Variants in TACR1 observed in about 807,000 individuals in gnomAD.
TACR1 encodes substance-P receptor.
Under a neutral mutation model 35.8 loss-of-function variants are expected in TACR1, and 25 were observed. That is an observed-to-expected ratio of 0.70 (90% CI 0.51 to 0.98). The LOEUF (loss-of-function observed/expected upper bound fraction) is 0.98, where lower values mean the gene tolerates loss of function less well. Ranked by LOEUF, TACR1 falls within the 50% of genes least tolerant of loss-of-function variation. The probability of loss-of-function intolerance (pLI) is 0.00; values close to 1 mark genes in which losing one functional copy is unlikely to be tolerated. For synonymous variants in TACR1, 195 were observed against 206.7 expected (o/e 0.94, Z 0.48); for missense variants, 478 against 522.9 (o/e 0.91, Z 0.84).
At chr2:75,195,108 T>G (rs1675935355) in intron 1 of TACR1, among the ~76,000 whole-genome samples, 3 of 152,166 alleles carry the variant, frequency 2.0e-5, no homozygotes. Context: ...TCATGAAACA[T>G]CATACATACC....
chr2:75,158,212 C>T (rs114306162), intron 1 of TACR1, among the ~76,000 whole-genome samples: 2,476 of 152,204 alleles, frequency 0.016, 66 homozygotes, highest in African/African-American at 0.057. Context: ...TTCCTATGGA[C>T]GAAGATCGAG....
intron 2 of TACR1, among the ~76,000 whole-genome samples, chr2:75,115,073 T>G (rs925298390): frequency 7.6e-6 from 1 of 131,504 alleles, no homozygotes; most frequent in Admixed American, 7.9e-5. Flanking sequence ...AGGAGGGGAT[T>G]TGTTAACATA....
At chr2:75,113,318 G>T (rs1335443331) in intron 2 of TACR1, among the ~76,000 whole-genome samples, 1 of 152,048 alleles carries the variant, frequency 6.6e-6, no homozygotes, top group African/African-American at 2.4e-5. Flanking sequence ...TCCTAAATTG[G>T]GTGGACCCAT....
intron 1 of TACR1, among the ~76,000 whole-genome samples, chr2:75,145,867 T>C (rs550691381): frequency 6.6e-6 from 1 of 152,294 alleles, no homozygotes; most frequent in African/African-American, 2.4e-5. Flanking sequence ...AGATGGGATA[T>C]ATATTTTGAA....
chr2:75,147,766 CAG>C (rs1674545583), intron 1 of TACR1, among the ~76,000 whole-genome samples: 1 of 142,198 alleles, frequency 7.0e-6, no homozygotes, highest in African/African-American at 2.6e-5. Context: ...TTTTCTGATA[CAG>C]AGTCTCCCTC....
At chr2:75,069,614 G>A (rs1319759268) in intron 2 of TACR1, among the ~76,000 whole-genome samples, 1 of 152,128 alleles carries the variant, frequency 6.6e-6, no homozygotes, top group African/African-American at 2.4e-5. Context: ...AAGTTTACTT[G>A]CCATGTCTCC....
chr2:75,169,183 A>C (rs1389192309), intron 1 of TACR1, among the ~76,000 whole-genome samples: 1 of 152,108 alleles, frequency 6.6e-6, no homozygotes, highest in Non-Finnish European at 1.5e-5. Flanking sequence ...TTTTGGTTTC[A>C]ATTTAATTAC....
intron 1 of TACR1, among the ~76,000 whole-genome samples, chr2:75,158,574 T>C (rs889163122): frequency 1.3e-5 from 2 of 152,244 alleles, no homozygotes; most frequent in African/African-American, 4.8e-5. Flanking sequence ...AAGTTGTTTT[T>C]ATCAGCTCTG....
chr2:75,049,143 C>A lies in TACR1; in HGVS notation c.*289G>T. On this transcript the variant is annotated 3_prime_UTR_variant, in exon 5 of 5. Coordinates refer to ENST00000305249, the MANE Select transcript of TACR1 (RefSeq NM_001058.4). Reference sequence around the variant, plus strand: ...ACTCGCATGCAGCCAAAGTCACTTCCAGAATGGAATGAATGGGCTTTTGGG... The same window carrying A: ...ACTCGCATGCAGCCAAAGTCACTTCAAGAATGGAATGAATGGGCTTTTGGG... 1 of 392,690 alleles carries A rather than the reference C, an allele frequency of 2.5e-6. No individual in the cohort carries two copies. The highest frequency in any genetic ancestry group is 4.6e-6 in the Non-Finnish European group (1 of 217,974). 24.3% of individuals were successfully genotyped at this position (392,690 alleles called of 1,614,324 possible).
At chr2:75,100,342 T>C (rs1263264793) in intron 2 of TACR1, among the ~76,000 whole-genome samples, 1 of 152,240 alleles carries the variant, frequency 6.6e-6, no homozygotes, top group Non-Finnish European at 1.5e-5. Flanking sequence ...TAGCAATTAT[T>C]ATTTTTAAAT....
chr2:75,148,392 A>AT (rs902207864), intron 1 of TACR1, among the ~76,000 whole-genome samples: 1 of 152,070 alleles, frequency 6.6e-6, no homozygotes, highest in African/African-American at 2.4e-5. Flanking sequence ...TTGTTTCTTG[A>AT]TTTTTTAATA....
At chr2:75,051,554 G>C in intron 3 of TACR1, 107 bp from the exon 4 acceptor site, 1 of 1,527,606 alleles carries the variant, frequency 6.5e-7, no homozygotes. Flanking sequence ...GATGAAGCGA[G>C]AAGTATTTAA....
At chr2:75,140,800 A>G (rs2103947379) in intron 1 of TACR1, among the ~76,000 whole-genome samples, 1 of 152,322 alleles carries the variant, frequency 6.6e-6, no homozygotes, top group South Asian at 2.1e-4. Context: ...TATCAAGTTC[A>G]GAAGACTCAG....
At position 75,198,529 on chromosome 2, in the gene TACR1, A is replaced by G; in HGVS notation, c.389+17T>C. 6.2e-7 allele frequency: 1 copy of G among 1,606,056 alleles called. No homozygotes were observed. The highest frequency in any genetic ancestry group is 8.5e-7 in the Non-Finnish European group (1 of 1,173,288). On this transcript the variant is annotated intron_variant, in intron 1 of 4. Transcript: ENST00000305249. ...TCTATGAGCACTTTCTCGCCTTTTC[A>G]CAAAGGCTAATCTCACCTATCAAAG...
rs973224274 is a variant in TACR1 at position 75,148,793 on chromosome 2, G to T, written c.390-28025C>A. Among the ~76,000 whole-genome samples the T allele has an allele frequency of 5.9e-5, 9 of 152,188 alleles. 1 individual carries two copies. Among genetic ancestry groups the T allele is most frequent in the Middle Eastern group, 3.4e-3 (1 of 294 alleles). On this transcript the variant is annotated intron_variant, in intron 1 of 4. Transcript: ENST00000305249. The stretch of plus-strand genomic sequence containing the variant: ...TTGGTGTTTTCATCATGAAATCTTT[G>T]CCCATGCCTATGTCCTGAATGATAC...
chr2:75,075,846 T>C (rs949015262), intron 2 of TACR1, among the ~76,000 whole-genome samples: 1 of 152,232 alleles, frequency 6.6e-6, no homozygotes, highest in South Asian at 2.1e-4. Context: ...CAAATGACGT[T>C]AAAGCAAAAA....
chr2:75,194,881 T>A (rs925696413), intron 1 of TACR1, among the ~76,000 whole-genome samples: 19 of 152,150 alleles, frequency 1.2e-4, no homozygotes, highest in African/African-American at 4.1e-4. Flanking sequence ...ATGTGCATGG[T>A]TTCAAATCAG....
intron 1 of TACR1, chr2:75,187,120 C>T (rs938873404): frequency 1.3e-5 from 2 of 152,238 alleles, no homozygotes; most frequent in Non-Finnish European, 2.9e-5. Context: ...GCAGCACTGC[C>T]CTGCTGCCCT....
intron 2 of TACR1, among the ~76,000 whole-genome samples, chr2:75,092,217 C>G (rs1673325511): frequency 6.6e-6 from 1 of 152,100 alleles, no homozygotes; most frequent in African/African-American, 2.4e-5. Flanking sequence ...TTCTGAGTTG[C>G]CTTTCCTCAC....
Sources: gnomAD v4.1 joint callset for allele counts (sites outside exome capture counted in the v4.1 genomes callset) on GRCh38, gnomAD v4.1.1 for gene constraint, MANE v1.5 for transcripts, NCBI Gene and HGNC (gene_info 2026-07-23, HGNC 2026-07-21) for gene names.